Variants in FOXH1 observed in about 807,000 individuals in gnomAD.
FOXH1 encodes forkhead box H1, also known as forkhead box protein H1.
A neutral mutation model predicts 14.2 loss-of-function variants in FOXH1; 10 were observed. The observed-to-expected ratio is 0.70, with a 90% CI of 0.43 to 1.19. The LOEUF (loss-of-function observed/expected upper bound fraction) is 1.19, where lower values mean the gene tolerates loss of function less well. Ranked by LOEUF, FOXH1 falls within the 50% of genes most tolerant of loss-of-function variation. The probability of loss-of-function intolerance (pLI) is 0.00; values close to 1 mark genes in which losing one functional copy is unlikely to be tolerated. For missense variants in FOXH1, 643 were observed against 492.1 expected (o/e 1.31, Z -2.90); for synonymous variants, 273 against 209.5 (o/e 1.30, Z -2.62).
At chr8:144,475,331 C>T (rs1335429999) in intron 1 of FOXH1, 70 bp from the exon 2 acceptor site, 38 of 1,324,944 alleles carry the variant, frequency 2.9e-5, no homozygotes, top group Non-Finnish European at 4.0e-5. Flanking sequence ...TACCCCTCCC[C>T]CACTACCGGG....
chr8:144,474,242 A>G lies in FOXH1; in HGVS notation c.1094T>C (p.Leu365Pro). 3 of 1,569,202 alleles carry G rather than the reference A, an allele frequency of 1.9e-6. No homozygotes were observed. The highest frequency in any genetic ancestry group is 1.7e-6 in the Non-Finnish European group (2 of 1,157,422). Residue 365 changes from leucine (L) to proline (P), a missense_variant, in exon 3 of 3, where the codon CTG becomes CCG. By Grantham distance (98) the Leu-to-Pro change is moderately conservative. Coordinates refer to ENST00000377317, the MANE Select transcript of FOXH1 (RefSeq NM_003923.3). ...GTGGCCCCTGTCTTAAGAGCCTCAC[A>G]GGCTGCACCAGGAGAGCAGCCAGCC... ...GPGWLLSWCS[L>P] is the part of the protein sequence containing the mutation.
chr8:144,473,914 G>C lies in FOXH1; in HGVS notation c.*324C>G. On this transcript the variant is annotated 3_prime_UTR_variant, in exon 3 of 3. Coordinates refer to ENST00000377317, the MANE Select transcript of FOXH1 (RefSeq NM_003923.3). Reference sequence around the variant, plus strand: ...CTCCCTCCCCCAGCCTGGAGCACGGGAGGGGAGGTGACGGCTGGTGACTGA... The same window carrying C: ...CTCCCTCCCCCAGCCTGGAGCACGGCAGGGGAGGTGACGGCTGGTGACTGA... 1 of 434,718 alleles carries C rather than the reference G, an allele frequency of 2.3e-6. No homozygotes were observed. Among genetic ancestry groups the C allele is most frequent in the Non-Finnish European group, 4.1e-6 (1 of 243,738 alleles). 26.9% of individuals were successfully genotyped at this position (434,718 alleles called of 1,614,324 possible). A position where few individuals can be genotyped will look rare whatever the true frequency, so the allele number is the denominator to read the frequency against.
Position 144,474,251 on chromosome 8 carries a change from C to G in FOXH1, c.1085G>C (p.Trp362Ser). The change falls in exon 3 of 3, where the codon TGG (tryptophan) becomes TCG (serine). Residue 362 changes from tryptophan to serine, a missense_variant. Coordinates refer to ENST00000377317, the MANE Select transcript of FOXH1 (RefSeq NM_003923.3). ...AAPGPGWLLS[W>S]CSL Reference sequence around the variant, plus strand: ...GTCTTAAGAGCCTCACAGGCTGCACCAGGAGAGCAGCCAGCCTGGGCCAGG... The same window carrying G: ...GTCTTAAGAGCCTCACAGGCTGCACGAGGAGAGCAGCCAGCCTGGGCCAGG... 1 of 1,580,786 alleles carries G rather than the reference C, an allele frequency of 6.3e-7. No individual in the cohort carries two copies. The highest frequency in any genetic ancestry group is 1.7e-5 in the Admixed American group (1 of 57,308).
rs1245887302 is a variant in FOXH1 at position 144,474,460 on chromosome 8, G to C, written c.876C>G (p.Pro292=). Residue 292 remains proline, a synonymous_variant, in exon 3 of 3, where the codon CCC becomes CCG. Transcript: ENST00000377317. ...GACAGGAGGTGGGTGGTGGTGCCAAGGGCATTACCACATTGGGAGTGTAGA... is the reference window on the plus strand; with the variant it reads ...GACAGGAGGTGGGTGGTGGTGCCAACGGCATTACCACATTGGGAGTGTAGA... ...LPIYTPNVVM[P]LAPPPTSCPQ... 1.2e-6 allele frequency: 2 copies of C among 1,612,628 alleles called. No homozygotes were observed. The highest frequency in any genetic ancestry group is 3.3e-5 in the Admixed American group (2 of 60,004).
Position 144,474,664 on chromosome 8 carries a change from G to T in FOXH1, c.672C>A (p.Gly224=), listed in dbSNP as rs982179246. ...CAGTCTCCCCCTCCACTCTCGTGGG[G>T]CCAGGAAGGGGGCAGAGGGGCCACA... ...RPLWPLCPLP[G]PTRVEGETVQ... The change falls in exon 3 of 3, where the codon GGC becomes GGA. Residue 224 remains glycine, a synonymous_variant. Coordinates refer to ENST00000377317, the MANE Select transcript of FOXH1 (RefSeq NM_003923.3). 5 of 1,551,600 alleles carry T rather than the reference G, an allele frequency of 3.2e-6. No homozygotes were observed. In the South Asian group the frequency reaches 6.0e-5, roughly 19 times the overall value.
At position 144,473,975 on chromosome 8, in the gene FOXH1, AGGGCT is replaced by A. The variant is rs1311228555; in HGVS notation, c.*258_*262del. 93 of 532,426 alleles carry A rather than the reference AGGGCT, an allele frequency of 1.7e-4. 1 individual carries two copies. The highest frequency in any genetic ancestry group is 1.7e-3 in the African/African-American group (88 of 52,948). The allele number at this position is 532,426 out of a possible 1,614,324, so 33.0% of individuals were successfully genotyped here. Reference sequence around the variant, plus strand: ...GTGGGCTGAGAAGAGGGGACTAGGAAGGGCTATTCCAGGCTCAGCCCTGCTCCTGC... The same window carrying A: ...GTGGGCTGAGAAGAGGGGACTAGGAAATTCCAGGCTCAGCCCTGCTCCTGC... On this transcript the variant is annotated 3_prime_UTR_variant, in exon 3 of 3. Coordinates refer to ENST00000377317, the MANE Select transcript of FOXH1 (RefSeq NM_003923.3).
rs534973427 is a variant in FOXH1, at chr8:144,475,366, C to T, written c.175-105G>A. 2.9e-3 allele frequency: 2,960 copies of T among 1,020,660 alleles called. 90 individuals carry two copies. The South Asian group carries it at 0.039, about 14-fold the overall frequency. 63.2% of individuals were successfully genotyped at this position (1,020,660 alleles called of 1,614,324 possible). A position where few individuals can be genotyped will look rare whatever the true frequency, so the allele number is the denominator to read the frequency against. ...GCTCAGGGGCGCGCGGTGCCGGCCC[C>T]TGCTGTCCCCGAAGAAGGACATTTC... is the stretch of plus-strand genomic sequence containing the variant. On this transcript the variant is annotated intron_variant, in intron 1 of 2. Transcript: ENST00000377317.
At position 144,475,160 on chromosome 8, in the gene FOXH1, G is replaced by A. The variant is rs1167091074; in HGVS notation, c.276C>T (p.Arg92=). 1 of 1,613,266 alleles carries A rather than the reference G, an allele frequency of 6.2e-7. No individual in the cohort carries two copies. The highest frequency in any genetic ancestry group is 1.7e-5 in the Admixed American group (1 of 59,996). The change falls in exon 2 of 3, where the codon CGC becomes CGT. Residue 92 remains arginine (R), a synonymous_variant. Coordinates refer to ENST00000377317, the MANE Select transcript of FOXH1 (RefSeq NM_003923.3). ...RHNLSSNRCF[R]KVPKDPAKPQ... is the part of the protein sequence containing the mutation. The stretch of plus-strand genomic sequence containing the variant: ...CTCCGACCCTGGCCTGCCCCACCTT[G>A]CGGAAGCATCGGTTGGAGGAAAGGT...
rs747291315 is a variant in FOXH1, at chr8:144,474,986, G to C, written c.350C>G (p.Ala117Gly). ...FWAVDVSLIP[A>G]EALRLQNTAL... ...GGTGTTCTGCAGCCGGAGCGCCTCA[G>C]CTGGGATCAGGCTCACGTCGACCGC... Residue 117 changes from alanine (A) to glycine (G), a missense_variant, in exon 3 of 3, where the codon GCT (alanine) becomes GGT (glycine). Coordinates refer to ENST00000377317, the MANE Select transcript of FOXH1 (RefSeq NM_003923.3). 7 of 1,607,474 alleles carry C rather than the reference G, an allele frequency of 4.4e-6. No individual in the cohort carries two copies. The highest frequency in any genetic ancestry group is 1.3e-5 in the African/African-American group (1 of 74,804).
Position 144,475,001 on chromosome 8 carries a change from A to T in FOXH1, c.335T>A (p.Val112Glu), listed in dbSNP as rs1311166773. 1 of 1,606,566 alleles carries T rather than the reference A, an allele frequency of 6.2e-7. No individual in the cohort carries two copies. The highest frequency in any genetic ancestry group is 1.1e-5 in the South Asian group (1 of 90,022). Reference protein sequence around the residue: ...QAKGNFWAVDVSLIPAEALRL... With the variant: ...QAKGNFWAVDESLIPAEALRL... ...GAGCGCCTCAGCTGGGATCAGGCTCACGTCGACCGCCCAGAAGTTGCCCTT... is the reference window on the plus strand; with the variant it reads ...GAGCGCCTCAGCTGGGATCAGGCTCTCGTCGACCGCCCAGAAGTTGCCCTT... The change falls in exon 3 of 3, where the codon GTG (valine) becomes GAG (glutamate). Residue 112 changes from valine (V) to glutamate (E), a missense_variant. Physicochemically the swap from Val to Glu is moderately radical, Grantham distance 121 (BLOSUM62 -2). Transcript: ENST00000377317.
chr8:144,473,516 A>G lies in FOXH1; in HGVS notation c.*722T>C, dbSNP rs1825030806. 7.3e-7 allele frequency: 1 copy of G among 1,370,174 alleles called. No homozygotes were observed. The highest frequency in any genetic ancestry group is 2.9e-5 in the Admixed American group (1 of 34,170). 84.9% of individuals were successfully genotyped at this position (1,370,174 alleles called of 1,614,324 possible). ...AGCCTCTTTGGATCCATTGCCCCTG[A>G]GCTCCCAGAGTCACCCCTCCACCTC... On this transcript the variant is annotated 3_prime_UTR_variant, in exon 3 of 3. Coordinates refer to ENST00000377317, the MANE Select transcript of FOXH1 (RefSeq NM_003923.3).
At chr8:144,475,131 C>T (rs373455250) in intron 2 of FOXH1, 26 bp downstream of exon 2, 118 of 1,609,908 alleles carry the variant, frequency 7.3e-5, no homozygotes, top group Admixed American at 1.2e-4. Flanking sequence ...GCTCCGCCCC[C>T]GGGCTCCGAC....
At position 144,474,354 on chromosome 8, in the gene FOXH1, C is replaced by G; in HGVS notation, c.982G>C (p.Asp328His). The change falls in exon 3 of 3, where the codon GAC (aspartate) becomes CAC (histidine). Residue 328 changes from aspartate to histidine, a missense_variant. Asp to His is a moderately conservative substitution (Grantham distance 81). Coordinates refer to ENST00000377317, the MANE Select transcript of FOXH1 (RefSeq NM_003923.3). ...RGPPGLLCDL[D>H]ALFQGVPPNK... Reference sequence around the variant, plus strand: ...GGTGGCACCCCTTGGAAGAGGGCGTCTAGATCGCAGAGCAGCCCTGGGGGC... The same window carrying G: ...GGTGGCACCCCTTGGAAGAGGGCGTGTAGATCGCAGAGCAGCCCTGGGGGC... The G allele has an allele frequency of 6.2e-7, 1 of 1,613,088 alleles. No homozygotes were observed. The highest frequency in any genetic ancestry group is 8.5e-7 in the Non-Finnish European group (1 of 1,179,992).
chr8:144,475,788 G>C lies in FOXH1; in HGVS notation c.-32C>G, dbSNP rs1456854674. 4 of 1,364,684 alleles carry C rather than the reference G, an allele frequency of 2.9e-6. No homozygotes were observed. In the African/African-American group the frequency reaches 6.0e-5, roughly 20 times the overall value. 84.5% of individuals were successfully genotyped at this position (1,364,684 alleles called of 1,614,324 possible). A position where few individuals can be genotyped will look rare whatever the true frequency, so the allele number is the denominator to read the frequency against. On this transcript the variant is annotated 5_prime_UTR_variant, in exon 1 of 3. Transcript: ENST00000377317. ...CGGTAGACAGCGTGGGCAGGGGCCT[G>C]GCCGGGTGGAGGGTGCAGGGCGGTG...
rs372267255 is a variant in FOXH1 at position 144,474,622 on chromosome 8, G to A, written c.714C>T (p.Ile238=). 3.8e-6 allele frequency: 6 copies of A among 1,591,364 alleles called. No homozygotes were observed. The highest frequency in any genetic ancestry group is 2.3e-5 in the East Asian group (1 of 44,306). The change falls in exon 3 of 3, where the codon ATC becomes ATT. Residue 238 remains isoleucine (I), a synonymous_variant. Coordinates refer to ENST00000377317, the MANE Select transcript of FOXH1 (RefSeq NM_003923.3). ...VEGETVQGGA[I]GPSTLSPEPR... The stretch of plus-strand genomic sequence containing the variant: ...GCTCTGGGGAGAGGGTTGAGGGCCC[G>A]ATGGCTCCCCCCTGCACAGTCTCCC...
chr8:144,473,556 T>C lies in FOXH1; in HGVS notation c.*682A>G. ...CCCTCCACCTCCGCAGCCAGTGAAG[T>C]GTGTTGTGCCTGCTGAAGTGATCAC... On this transcript the variant is annotated 3_prime_UTR_variant, in exon 3 of 3. Transcript: ENST00000377317. 9.0e-7 allele frequency: 1 copy of C among 1,107,088 alleles called. No individual in the cohort carries two copies. Among genetic ancestry groups the C allele is most frequent in the Non-Finnish European group, 1.2e-6 (1 of 810,316 alleles). 68.6% of individuals were successfully genotyped at this position (1,107,088 alleles called of 1,614,324 possible).
At position 144,474,049 on chromosome 8, in the gene FOXH1, G is replaced by T. The variant is rs1825058923; in HGVS notation, c.*189C>A. 8 of 597,658 alleles carry T rather than the reference G, an allele frequency of 1.3e-5. No homozygotes were observed. The highest frequency in any genetic ancestry group is 1.8e-5 in the Non-Finnish European group (6 of 337,540). 37.0% of individuals were successfully genotyped at this position (597,658 alleles called of 1,614,324 possible). A position where few individuals can be genotyped will look rare whatever the true frequency, so the allele number is the denominator to read the frequency against. ...AGGAAAAACAGGCATGACAGACCAGGGTGAGGGTTGTGCCCAGCTGGGCCA... is the reference window on the plus strand; with the variant it reads ...AGGAAAAACAGGCATGACAGACCAGTGTGAGGGTTGTGCCCAGCTGGGCCA... On this transcript the variant is annotated 3_prime_UTR_variant, in exon 3 of 3. Transcript: ENST00000377317.
In FOXH1 at chr8:144,473,680, C is replaced by T. The variant is rs1564751120; in HGVS notation, c.*558G>A. ...CACAGCAGGGAATCCCAGGCCCCCC[C>T]GCCAAGTGGTTACCCAAGTCACCAC... On this transcript the variant is annotated 3_prime_UTR_variant, in exon 3 of 3. Transcript: ENST00000377317. The T allele has an allele frequency of 8.2e-6, 4 of 488,566 alleles. No homozygotes were observed. The highest frequency in any genetic ancestry group is 8.1e-5 in the South Asian group (2 of 24,704). 30.3% of individuals were successfully genotyped at this position (488,566 alleles called of 1,614,324 possible).
chr8:144,475,327 TC>T, intron 1 of FOXH1, 66 bp from the exon 2 acceptor site: 2 of 1,339,126 alleles, frequency 1.5e-6, no homozygotes, highest in Non-Finnish European at 2.1e-6. Context: ...GCCCTACCCC[TC>T]CCCCACTACC....
Sources: allele counts gnomAD v4.1 joint callset, GRCh38; gene constraint gnomAD v4.1.1; transcripts MANE v1.5; gene names NCBI Gene and HGNC (gene_info 2026-07-23, HGNC 2026-07-21).